The following POU2F1 variants were observed in gnomAD, a reference collection of about 807,000 sequenced individuals.
POU2F1 encodes POU class 2 homeobox 1.
Under a neutral mutation model 84.9 loss-of-function variants are expected in POU2F1, and 16 were observed. The ratio of observed to expected loss-of-function variants is 0.19; its 90% CI spans 0.13 to 0.29. POU2F1 has a LOEUF of 0.29. Among genes scored for constraint, POU2F1 ranks in the 10% least tolerant of loss-of-function variants. The pLI, the probability that POU2F1 is intolerant of heterozygous loss-of-function variation, is 1.00. For synonymous variants in POU2F1, 368 were observed against 368.3 expected, an observed-to-expected ratio of 1.00 and a Z score of 0.01; for missense variants, 738 against 942.6, an observed-to-expected ratio of 0.78 and a Z score of 2.84.
At chr1:167,309,985 A>C (rs947105852) in intron 1 of POU2F1, among the ~76,000 whole-genome samples, 12 of 152,160 alleles carry the variant, frequency 7.9e-5, no homozygotes, top group Admixed American at 7.2e-4. Context: ...AATTCTTTTC[A>C]TAGAACATTA....
intron 1 of POU2F1, among the ~76,000 whole-genome samples, chr1:167,294,873 C>T (rs1325638024): frequency 6.6e-6 from 1 of 152,112 alleles, no homozygotes; most frequent in African/African-American, 2.4e-5. Flanking sequence ...GTGGCTCACA[C>T]CTGTAATCCC....
At chr1:167,226,117 T>C (rs1225927598) in intron 1 of POU2F1, among the ~76,000 whole-genome samples, 1 of 152,258 alleles carries the variant, frequency 6.6e-6, no homozygotes, top group Non-Finnish European at 1.5e-5. Flanking sequence ...ATCCATGTTC[T>C]TGTTTCTGAT....
chr1:167,318,498 A>G (rs139349935), intron 1 of POU2F1, among the ~76,000 whole-genome samples: 3,028 of 152,258 alleles, frequency 0.02, 93 homozygotes, highest in African/African-American at 0.068. Context: ...CTTCCCAAAC[A>G]AGTATGTTCA....
chr1:167,235,264 T>A (rs1359421807), intron 1 of POU2F1, among the ~76,000 whole-genome samples: 1 of 152,234 alleles, frequency 6.6e-6, no homozygotes. Context: ...GAGTACTTGC[T>A]TCTTCATGCT....
intron 1 of POU2F1, among the ~76,000 whole-genome samples, chr1:167,296,653 G>T (rs1359741823): frequency 1.3e-5 from 2 of 152,100 alleles, no homozygotes; most frequent in African/African-American, 4.8e-5. Flanking sequence ...CAAAAACTCG[G>T]TGTCCATTAA....
intron 1 of POU2F1, among the ~76,000 whole-genome samples, chr1:167,223,603 T>C (rs1485002122): frequency 6.6e-6 from 1 of 152,154 alleles, no homozygotes; most frequent in Non-Finnish European, 1.5e-5. Flanking sequence ...TTGTGGGACT[T>C]TGGTCTTCAG....
chr1:167,276,424 A>G (rs944266593), intron 1 of POU2F1, among the ~76,000 whole-genome samples: 5 of 152,146 alleles, frequency 3.3e-5, no homozygotes, highest in Non-Finnish European at 7.4e-5. Flanking sequence ...TACTATGCCT[A>G]ATTTATAAAT....
At chr1:167,246,020 T>C (rs765085011) in intron 1 of POU2F1, among the ~76,000 whole-genome samples, 2 of 152,208 alleles carry the variant, frequency 1.3e-5, no homozygotes, top group Non-Finnish European at 2.9e-5. Flanking sequence ...AATCTAAAAA[T>C]AAGCAAGGTT....
At chr1:167,315,320 A>G (rs1327614877) in intron 1 of POU2F1, among the ~76,000 whole-genome samples, 1 of 152,222 alleles carries the variant, frequency 6.6e-6, no homozygotes, top group South Asian at 2.1e-4. Context: ...TACATATTAT[A>G]TATGAGTCCT....
At chr1:167,337,894 C>G in intron 2 of POU2F1, 1 of 344,058 alleles carries the variant, frequency 2.9e-6, no homozygotes, top group Non-Finnish European at 5.7e-6. Flanking sequence ...CTGTTTTGTG[C>G]AGATGCAATC....
At chr1:167,325,335 T>C (rs909089954) in intron 1 of POU2F1, among the ~76,000 whole-genome samples, 12 of 152,192 alleles carry the variant, frequency 7.9e-5, no homozygotes, top group Non-Finnish European at 1.8e-4. Flanking sequence ...CAGGCAATAA[T>C]TGTTGAGTCA....
At chr1:167,307,853 G>C (rs1655187388) in intron 1 of POU2F1, among the ~76,000 whole-genome samples, 1 of 152,076 alleles carries the variant, frequency 6.6e-6, no homozygotes, top group South Asian at 2.1e-4. Context: ...TCTCTTTACT[G>C]TTGTTCAATC....
At chr1:167,269,024 G>A (rs1308147316) in intron 1 of POU2F1, among the ~76,000 whole-genome samples, 1 of 152,178 alleles carries the variant, frequency 6.6e-6, no homozygotes, top group African/African-American at 2.4e-5. Flanking sequence ...TTCATGTAAT[G>A]ATCAGAAATT....
chr1:167,381,038 G>A (rs1167907023), intron 7 of POU2F1: 2 of 151,680 alleles, frequency 1.3e-5, no homozygotes, highest in African/African-American at 4.8e-5. Context: ...TTTGAGTTTT[G>A]TTTGGGTTTT....
chr1:167,255,989 C>T (rs1394256446), intron 1 of POU2F1, among the ~76,000 whole-genome samples: 1 of 152,068 alleles, frequency 6.6e-6, no homozygotes, highest in African/African-American at 2.4e-5. Context: ...ACTTTTAGTC[C>T]GTGCTTACGG....
At chr1:167,244,207 G>T (rs1650136162) in intron 1 of POU2F1, among the ~76,000 whole-genome samples, 1 of 152,202 alleles carries the variant, frequency 6.6e-6, no homozygotes, top group Non-Finnish European at 1.5e-5. Flanking sequence ...AAGAAGGAGA[G>T]AATTTTTGTG....
chr1:167,326,644 C>T (rs932605336), intron 1 of POU2F1, among the ~76,000 whole-genome samples: 23 of 152,072 alleles, frequency 1.5e-4, no homozygotes, highest in African/African-American at 4.8e-4. Flanking sequence ...AGAGGGGAAG[C>T]GGGGGGTCCC....
At chr1:167,299,695 G>GTTTTTTTTTTTTGT (rs571000920) in intron 1 of POU2F1, among the ~76,000 whole-genome samples, 2 of 139,392 alleles carry the variant, frequency 1.4e-5, no homozygotes, top group Middle Eastern at 3.5e-3. Context: ...GGAGACCAGA[G>GTTTTTTTTTTTTGT]TTTTTTTTTT....
intron 1 of POU2F1, among the ~76,000 whole-genome samples, chr1:167,327,607 A>T (rs1656793483): frequency 6.6e-6 from 1 of 152,154 alleles, no homozygotes; most frequent in African/African-American, 2.4e-5. Context: ...ACTCTCCTCA[A>T]ATCTAGTGCA....
Sources: gnomAD v4.1 joint callset for allele counts (sites outside exome capture counted in the v4.1 genomes callset) on GRCh38, gnomAD v4.1.1 for gene constraint, MANE v1.5 for transcripts, NCBI Gene and HGNC (gene_info 2026-07-23, HGNC 2026-07-21) for gene names.